The following SEMA4C variants were observed in gnomAD, a reference collection of about 807,000 sequenced individuals.
SEMA4C encodes the protein semaphorin 4C.
SEMA4C carries 19 observed loss-of-function variants against 89.0 expected under a neutral mutation model. The observed-to-expected ratio is 0.21, with a 90% confidence interval of 0.15 to 0.31. The LOEUF is 0.31. SEMA4C is among the 10% of genes least tolerant of loss of function. The pLI is 1.00. For synonymous variants in SEMA4C, 428 were observed against 472.7 expected, an observed-to-expected ratio of 0.91 and a Z score of 1.23; for missense variants, 811 against 1,107.0, an observed-to-expected ratio of 0.73 and a Z score of 3.79.
At chr2:96,867,606 C>A (rs965116685) in intron 2 of SEMA4C, among the ~76,000 whole-genome samples, 172 bp downstream of exon 2, 3 of 152,200 alleles carry the variant, frequency 2.0e-5, no homozygotes, top group Admixed American at 1.3e-4. Flanking sequence ...GGGAGTTGGA[C>A]AGAGCTCCCC....
chr2:96,869,070 G>GT, intron 1 of SEMA4C: 1 of 985,364 alleles, frequency 1.0e-6, no homozygotes, highest in Non-Finnish European at 1.2e-6. Flanking sequence ...CGCGGGGAGC[G>GT]TGGCGAGCCC....
upstream of SEMA4C, chr2:96,870,218 C>G: frequency 1.0e-6 from 1 of 985,226 alleles, no homozygotes; most frequent in Non-Finnish European, 1.2e-6. Flanking sequence ...CCGCTCTCCG[C>G]CCGGGGGCTC....
chr2:96,864,905 C>T lies in SEMA4C; in HGVS notation c.787-25G>A. On this transcript the variant is annotated intron_variant, in intron 8 of 14. Transcript: ENST00000305476. This position sits in a 1 kb window ranked among gnomAD's most constrained non-coding sequence, Gnocchi z 6.3. ...CCTGGCAGACGGCAAGGGGACACTG[C>T]CGGTCAGCCCCGCTGGGCCAGCAGG... The T allele has an allele frequency of 1.2e-6, 2 of 1,611,484 alleles. No individual in the cohort carries two copies. The highest frequency in any genetic ancestry group is 1.7e-6 in the Non-Finnish European group (2 of 1,178,872).
chr2:96,868,853 C>G, intron 1 of SEMA4C: 3 of 985,406 alleles, frequency 3.0e-6, no homozygotes, highest in Non-Finnish European at 3.6e-6. Flanking sequence ...CTTCCCAACT[C>G]GGGGACTGCG....
intron 11 of SEMA4C, 37 bp from the exon 12 acceptor site, chr2:96,863,831 C>T: frequency 6.2e-7 from 1 of 1,607,562 alleles, no homozygotes; most frequent in Non-Finnish European, 8.5e-7. Context: ...AATGAGAGGG[C>T]ACAAGGCCGT....
intron 1 of SEMA4C, chr2:96,868,697 C>G: frequency 1.0e-6 from 1 of 983,874 alleles, no homozygotes; most frequent in Non-Finnish European, 1.2e-6. Context: ...GTGGGGGGAC[C>G]GAGCTCGGGT....
chr2:96,862,103 C>T (rs557492779), intron 12 of SEMA4C: 1 of 591,180 alleles, frequency 1.7e-6, no homozygotes, highest in African/African-American at 1.9e-5. Context: ...TTACACAGGC[C>T]AGATGCAATC....
Position 96,864,647 on chromosome 2 carries a change from C to A in SEMA4C, c.962+58G>T. On this transcript the variant is annotated intron_variant, in intron 9 of 14. Coordinates refer to ENST00000305476, the MANE Select transcript of SEMA4C (RefSeq NM_017789.5). The surrounding 1 kb of genome is among the most constrained non-coding windows in gnomAD (Gnocchi z 6.3). ...CCTGGTCCAGGCTCCCACCCATGCA[C>A]CGTCCCTGACCTGAACCCCAGCTCC... is the stretch of plus-strand genomic sequence containing the variant. 1 of 1,546,632 alleles carries A rather than the reference C, an allele frequency of 6.5e-7. No homozygotes were observed. The highest frequency in any genetic ancestry group is 8.8e-7 in the Non-Finnish European group (1 of 1,142,588).
rs202061283 is a variant in SEMA4C at position 96,860,617 on chromosome 2, G to T, written c.*9C>A. On this transcript the variant is annotated 3_prime_UTR_variant, in exon 15 of 15. Coordinates refer to ENST00000305476, the MANE Select transcript of SEMA4C (RefSeq NM_017789.5). ...CCCACGCTTCCCGCCGACGCGGTGGGGGTTCCCCTCATACTGATGACTCCT... is the reference window on the plus strand; with the variant it reads ...CCCACGCTTCCCGCCGACGCGGTGGTGGTTCCCCTCATACTGATGACTCCT... 19 of 1,585,712 alleles carry T rather than the reference G, an allele frequency of 1.2e-5. No individual in the cohort carries two copies. Among genetic ancestry groups the T allele is most frequent in the Non-Finnish European group, 1.5e-5 (18 of 1,163,850 alleles).
chr2:96,861,662 G>A lies in SEMA4C; in HGVS notation c.1602-13C>T. On this transcript the variant is annotated splice_polypyrimidine_tract_variant and intron_variant, in intron 13 of 14. Transcript: ENST00000305476. This position sits in a 1 kb window ranked among gnomAD's most constrained non-coding sequence, Gnocchi z 7.8. ...GATCAGTAGAGATCTGGTAGGGGAT[G>A]TAGGGTACATCAGCAGCCTGGCTCC... is the stretch of plus-strand genomic sequence containing the variant. 1 of 1,587,964 alleles carries A rather than the reference G, an allele frequency of 6.3e-7. No individual in the cohort carries two copies. Among genetic ancestry groups the A allele is most frequent in the Non-Finnish European group, 8.6e-7 (1 of 1,164,120 alleles).
intron 1 of SEMA4C, 48 bp downstream of exon 1, chr2:96,869,828 C>G (rs982409122): frequency 2.0e-6 from 2 of 985,314 alleles, no homozygotes; most frequent in African/African-American, 3.5e-5. Flanking sequence ...AAAGCGGCGG[C>G]TCCGGGGCCC....
rs1286827897 is a variant in SEMA4C, at chr2:96,867,938, G to T, written c.-37-15C>A. 3.7e-6 allele frequency: 6 copies of T among 1,612,356 alleles called. No individual in the cohort carries two copies. Among genetic ancestry groups the T allele is most frequent in the Non-Finnish European group, 5.1e-6 (6 of 1,179,794 alleles). ...GGCCAGCTGTCCTGCTGAGGGAAAAGACATGGTCAGAAATCACAGCCAGAG... is the reference window on the plus strand; with the variant it reads ...GGCCAGCTGTCCTGCTGAGGGAAAATACATGGTCAGAAATCACAGCCAGAG... On this transcript the variant is annotated splice_polypyrimidine_tract_variant and intron_variant, in intron 1 of 14. Coordinates refer to ENST00000305476, the MANE Select transcript of SEMA4C (RefSeq NM_017789.5).
chr2:96,867,800 C>T lies in SEMA4C; in HGVS notation c.87G>A (p.Pro29=), dbSNP rs754981184. Residue 29 remains proline, a synonymous_variant, in exon 2 of 15, where the codon CCG becomes CCA. Transcript: ENST00000305476. ...CACCCCCAGAAGACACTGTCTTACG[C>T]GGCACAAGGTTCCACCACACCTCAG... The part of the protein sequence containing the change: ...IGAEVWWNLV[P]RKTVSSGELA... 20 of 1,613,458 alleles carry T rather than the reference C, an allele frequency of 1.2e-5. No homozygotes were observed. Among genetic ancestry groups the T allele is most frequent in the Middle Eastern group, 1.7e-4 (1 of 6,060 alleles).
chr2:96,867,263 G>C (rs749977743), intron 2 of SEMA4C, among the ~76,000 whole-genome samples: 1 of 152,136 alleles, frequency 6.6e-6, no homozygotes, highest in Non-Finnish European at 1.5e-5. Flanking sequence ...CAGGTCCCCA[G>C]AGCGCACGGC....
chr2:96,864,874 T>C lies in SEMA4C; in HGVS notation c.793A>G (p.Met265Val), dbSNP rs2080033288. 2 of 1,612,340 alleles carry C rather than the reference T, an allele frequency of 1.2e-6. No individual in the cohort carries two copies. Among genetic ancestry groups the C allele is most frequent in the East Asian group, 2.2e-5 (1 of 44,824 alleles). Reference sequence around the variant, plus strand: ...CTCTGCAGGGTCCGTGCGCCCCCCATATCGCCCTGGCAGACGGCAAGGGGA... The same window carrying C: ...CTCTGCAGGGTCCGTGCGCCCCCCACATCGCCCTGGCAGACGGCAAGGGGA... ...ARVARVCKGDMGGARTLQRKW... is the reference protein window; with the variant it reads ...ARVARVCKGDVGGARTLQRKW... Residue 265 changes from methionine (M) to valine (V), a missense_variant, in exon 9 of 15, where the codon ATG (methionine) becomes GTG (valine). Physicochemically the swap from Met to Val is conservative, Grantham distance 21 (BLOSUM62 1). Around this residue, in one of 4 missense-constraint regions of SEMA4C, gnomAD observed 441 missense variants for 664.9 expected, o/e 0.66. Transcript: ENST00000305476. This position sits in a 1 kb window ranked among gnomAD's most constrained non-coding sequence, Gnocchi z 6.3.
chr2:96,867,718 A>G, intron 2 of SEMA4C, 60 bp downstream of exon 2: 2 of 1,507,260 alleles, frequency 1.3e-6, no homozygotes, highest in Non-Finnish European at 1.8e-6. Context: ...CCAGCACACT[A>G]TGGGGGCAAC....
intron 2 of SEMA4C, 55 bp from the exon 3 acceptor site, chr2:96,866,486 TCA>T (rs766556804): frequency 7.1e-5 from 114 of 1,611,132 alleles, no homozygotes; most frequent in Non-Finnish European, 9.0e-5. Flanking sequence ...TCGACAGCCC[TCA>T]GTCTTGCTCC....
chr2:96,863,691 A>T lies in SEMA4C; in HGVS notation c.1434T>A (p.Ser478=). ...DQEPMRSLVL[S]QSKKLLFAGS... ...GGGCCCAACTTACTACCTTGCTCTG[A>T]GATAGCACCAGGCTTCTCATGGGCT... The change falls in exon 12 of 15, where the codon TCT becomes TCA. Residue 478 remains serine (S), a synonymous_variant. Transcript: ENST00000305476. 1 of 1,613,868 alleles carries T rather than the reference A, an allele frequency of 6.2e-7. No homozygotes were observed. Among genetic ancestry groups the T allele is most frequent in the Non-Finnish European group, 8.5e-7 (1 of 1,179,796 alleles).
chr2:96,868,690 G>C (rs2080137971), intron 1 of SEMA4C: 1 of 985,344 alleles, frequency 1.0e-6, no homozygotes, highest in African/African-American at 1.7e-5. Context: ...AGGGGCGGTG[G>C]GGGGACCGAG....
Sources: allele counts gnomAD v4.1 joint callset (sites outside exome capture counted in the v4.1 genomes callset), GRCh38; gene constraint gnomAD v4.1.1; regional missense constraint gnomAD v4.1.1; non-coding constraint Gnocchi (gnomAD v3.1); transcripts MANE v1.5; gene names NCBI Gene and HGNC (gene_info 2026-07-23, HGNC 2026-07-21).